The following NT5C1B variants were observed in gnomAD, a reference collection of about 807,000 sequenced individuals.
NT5C1B encodes cytosolic 5'-nucleotidase 1B.
NT5C1B carries 44 observed loss-of-function variants against 57.8 expected under a neutral mutation model. The observed-to-expected ratio is 0.76, with a 90% CI of 0.60 to 0.98. The LOEUF (loss-of-function observed/expected upper bound fraction) is 0.98. Ranked by LOEUF, NT5C1B falls within the 50% of genes least tolerant of loss-of-function variation. NT5C1B has a pLI of 0.00. For synonymous variants in NT5C1B, 284 were observed against 282.6 expected (o/e 1.00, Z -0.05); for missense variants, 742 against 719.5 (o/e 1.03, Z -0.36).
At chr2:18,571,288 C>T (rs761780793) in intron 8 of NT5C1B, among the ~76,000 whole-genome samples, 1 of 152,086 alleles carries the variant, frequency 6.6e-6, no homozygotes, top group Non-Finnish European at 1.5e-5. Flanking sequence ...TCTCAATCTA[C>T]AAAATTGTTG....
chr2:18,588,446 CAATGTTAGTTGCATGAG>C (rs1427595322), intron 1 of NT5C1B, among the ~76,000 whole-genome samples: 2 of 152,156 alleles, frequency 1.3e-5, no homozygotes, highest in South Asian at 2.1e-4. Flanking sequence ...AAAATCTCAT[CAATGTTAGTTGCATGAG>C]AATGTTAGTT....
chr2:18,572,986 A>T (rs1174665461), intron 8 of NT5C1B, among the ~76,000 whole-genome samples: 1 of 152,196 alleles, frequency 6.6e-6, no homozygotes, highest in Non-Finnish European at 1.5e-5. Context: ...ATTTACACAG[A>T]AGTTTGTATT....
chr2:18,568,486 A>G (rs1466017769), intron 8 of NT5C1B, among the ~76,000 whole-genome samples: 1 of 133,790 alleles, frequency 7.5e-6, no homozygotes, highest in African/African-American at 2.8e-5. Context: ...ACAGAGAAAA[A>G]CCTGATCTAC....
chr2:18,587,828 G>C (rs758031615), intron 1 of NT5C1B, among the ~76,000 whole-genome samples: 1 of 152,140 alleles, frequency 6.6e-6, no homozygotes, highest in Non-Finnish European at 1.5e-5. Context: ...TTGGTTCATA[G>C]ATTTGAGATA....
At chr2:18,579,510 A>G (rs1665993878) in intron 6 of NT5C1B, among the ~76,000 whole-genome samples, 1 of 152,162 alleles carries the variant, frequency 6.6e-6, no homozygotes, top group Non-Finnish European at 1.5e-5. Context: ...TCTGATCTTC[A>G]ACCAAGTCAA....
At chr2:18,580,914 A>C (rs903424667) in intron 6 of NT5C1B, among the ~76,000 whole-genome samples, 1 of 152,202 alleles carries the variant, frequency 6.6e-6, no homozygotes, top group Admixed American at 6.5e-5. Context: ...CAAAGAAGGG[A>C]GCAATAGACA....
intron 8 of NT5C1B, among the ~76,000 whole-genome samples, chr2:18,568,374 G>T (rs1664847439): frequency 6.6e-6 from 1 of 151,882 alleles, no homozygotes; most frequent in South Asian, 2.1e-4. Flanking sequence ...AAACTTTTTA[G>T]GCAAAGAAAA....
chr2:18,563,970 T>A, exon 9 of NT5C1B: 1 of 1,614,170 alleles, frequency 6.2e-7, no homozygotes, highest in Non-Finnish European at 8.5e-7. Flanking sequence ...GACCCCAGCG[T>A]CGAAGGGTCT....
chr2:18,582,796 T>C, intron 6 of NT5C1B, 72 bp downstream of exon 6: 1 of 1,563,632 alleles, frequency 6.4e-7, no homozygotes, highest in African/African-American at 1.4e-5. Flanking sequence ...TAAGCCACAG[T>C]TAGCAAAATA....
At chr2:18,579,285 A>T (rs975785655) in intron 6 of NT5C1B, among the ~76,000 whole-genome samples, 1 of 152,242 alleles carries the variant, frequency 6.6e-6, no homozygotes, top group African/African-American at 2.4e-5. Flanking sequence ...ATTAGAAAAA[A>T]CTATTTGGAA....
intron 6 of NT5C1B, among the ~76,000 whole-genome samples, chr2:18,578,084 A>C (rs1572349998): frequency 6.6e-6 from 1 of 152,274 alleles, no homozygotes; most frequent in East Asian, 1.9e-4. Context: ...AGAAACTGAA[A>C]CCCTGAACTG....
chr2:18,583,585 T>G, intron 5 of NT5C1B: 1 of 328,510 alleles, frequency 3.0e-6, no homozygotes, highest in Non-Finnish European at 6.0e-6. Flanking sequence ...TTGTGTAATA[T>G]TTATATAAGC....
At position 18,584,822 on chromosome 2, in the gene NT5C1B, G is replaced by C; in HGVS notation, c.415C>G (p.Pro139Ala). The C allele has an allele frequency of 6.2e-7, 1 of 1,612,254 alleles. No individual in the cohort carries two copies. The highest frequency in any genetic ancestry group is 8.5e-7 in the Non-Finnish European group (1 of 1,179,470). ...GTGCTGCGCCGGGAGCCAGGATCGG[G>C]CTCTGGGGGCGTGGGAGGCCGCGAG... The change falls in exon 4 of 9, where the codon CCC (proline) becomes GCC (alanine). Residue 139 changes from proline to alanine, a missense_variant. By Grantham distance (27) the Pro-to-Ala change is conservative (BLOSUM62 -1). Coordinates refer to ENST00000304081, the Ensembl canonical transcript of NT5C1B. This position sits in a 1 kb window ranked among gnomAD's most constrained non-coding sequence, Gnocchi z 5.8.
intron 2 of NT5C1B, 97 bp downstream of exon 2, chr2:18,587,406 G>A (rs1427649123): frequency 3.2e-6 from 5 of 1,558,200 alleles, no homozygotes; most frequent in Non-Finnish European, 4.3e-6. Context: ...ATTCTCAACA[G>A]CTTGGTCTTC....
chr2:18,579,880 C>T (rs1404770821), intron 6 of NT5C1B, among the ~76,000 whole-genome samples: 1 of 152,082 alleles, frequency 6.6e-6, no homozygotes, highest in Non-Finnish European at 1.5e-5. Flanking sequence ...TATTTTCAAA[C>T]TATGCATTTA....
chr2:18,582,753 G>T (rs1013878973), intron 6 of NT5C1B, 115 bp downstream of exon 6: 1 of 1,429,256 alleles, frequency 7.0e-7, no homozygotes, highest in South Asian at 1.5e-5. Context: ...TGGCGCAGAA[G>T]GGGGTGTCAG....
chr2:18,585,521 G>T (rs1465389532), intron 3 of NT5C1B, among the ~76,000 whole-genome samples: 1 of 152,170 alleles, frequency 6.6e-6, no homozygotes, highest in African/African-American at 2.4e-5. Flanking sequence ...AAAGTCTCTT[G>T]TCTGGAGACT....
chr2:18,575,284 C>A (rs1241383121), intron 8 of NT5C1B, among the ~76,000 whole-genome samples: 1 of 151,894 alleles, frequency 6.6e-6, no homozygotes, highest in Non-Finnish European at 1.5e-5. Context: ...TCCAAAGGAG[C>A]TATTTAGAAA....
chr2:18,584,861 G>A lies in NT5C1B; in HGVS notation c.376C>T (p.Pro126Ser), dbSNP rs1666548114. 4 of 1,602,750 alleles carry A rather than the reference G, an allele frequency of 2.5e-6. 1 individual carries two copies. Among genetic ancestry groups the A allele is most frequent in the South Asian group, 2.2e-5 (2 of 90,376 alleles). The change falls in exon 4 of 9, where the codon CCC (proline) becomes TCC (serine). Residue 126 changes from proline (P) to serine (S), a missense_variant. By Grantham distance (74) the Pro-to-Ser change is moderately conservative (BLOSUM62 -1). Transcript: ENST00000304081. The surrounding 1 kb of genome is among the most constrained non-coding windows in gnomAD (Gnocchi z 5.8). ...GGAGGCCGCGAGTCCAGCGACCGGGGCAGCTGGGGCGACGCGGGTGGCTGG... is the reference window on the plus strand; with the variant it reads ...GGAGGCCGCGAGTCCAGCGACCGGGACAGCTGGGGCGACGCGGGTGGCTGG...
Sources: allele counts gnomAD v4.1 joint callset (sites outside exome capture counted in the v4.1 genomes callset), GRCh38; gene constraint gnomAD v4.1.1; non-coding constraint Gnocchi (gnomAD v3.1); transcripts MANE v1.5; gene names NCBI Gene and HGNC (gene_info 2026-07-23, HGNC 2026-07-21).